ARHGEF12: variants seen among roughly 807,000 people sequenced by gnomAD.
ARHGEF12 encodes the protein Rho guanine nucleotide exchange factor 12.
ARHGEF12 carries 66 observed loss-of-function variants against 211.2 expected under a neutral mutation model. The ratio of observed to expected loss-of-function variants is 0.31; its 90% CI spans 0.26 to 0.38. The LOEUF (loss-of-function observed/expected upper bound fraction) is 0.38, where lower values mean the gene tolerates loss of function less well. Among genes scored for constraint, ARHGEF12 ranks in the 10% least tolerant of loss-of-function variants. ARHGEF12 has a pLI of 1.00. For synonymous variants in ARHGEF12, 592 were observed against 638.4 expected, an observed-to-expected ratio of 0.93 and a Z score of 1.09; for missense variants, 1,429 against 1,869.5, an observed-to-expected ratio of 0.76 and a Z score of 4.34.
chr11:120,431,660 CT>C, intron 10 of ARHGEF12, 110 bp from the exon 11 acceptor site: 1 of 1,210,680 alleles, frequency 8.3e-7, no homozygotes, highest in Non-Finnish European at 1.1e-6. Flanking sequence ...GAATGTCCAA[CT>C]TTTAGTAGTC....
At chr11:120,375,886 T>A (rs1374853841) in intron 1 of ARHGEF12, among the ~76,000 whole-genome samples, 1 of 152,188 alleles carries the variant, frequency 6.6e-6, no homozygotes, top group African/African-American at 2.4e-5. Context: ...ACAGTTCAAA[T>A]GAGTACTGGT....
At chr11:120,357,931 A>G (rs1354332550) in intron 1 of ARHGEF12, among the ~76,000 whole-genome samples, 5 of 152,226 alleles carry the variant, frequency 3.3e-5, no homozygotes, top group Admixed American at 3.3e-4. Flanking sequence ...AACTGCATAT[A>G]GTTCAGCATG....
Position 120,441,698 on chromosome 11 carries a change from T to G in ARHGEF12, c.1093-9T>G. The G allele has an allele frequency of 6.2e-7, 1 of 1,608,410 alleles. No homozygotes were observed. Among genetic ancestry groups the G allele is most frequent in the Non-Finnish European group, 8.5e-7 (1 of 1,175,612 alleles). On this transcript the variant is annotated splice_polypyrimidine_tract_variant and intron_variant, in intron 13 of 40. Transcript: ENST00000397843. ...GGAGTTACTGATGCATAATCATTTC[T>G]TCCTCTAGATCAATGGACAGTGCAG...
chr11:120,357,855 C>A (rs1357304417), intron 1 of ARHGEF12, among the ~76,000 whole-genome samples: 1 of 152,174 alleles, frequency 6.6e-6, no homozygotes. Context: ...CAGGCGTAAG[C>A]CACCGTGCCA....
chr11:120,445,536 T>G (rs188429438), intron 16 of ARHGEF12, 72 bp downstream of exon 16: 1 of 1,445,144 alleles, frequency 6.9e-7, no homozygotes, highest in Non-Finnish European at 9.7e-7. Context: ...TCTGTTCAGG[T>G]TTTATCTGTC....
intron 1 of ARHGEF12, among the ~76,000 whole-genome samples, chr11:120,345,429 C>G (rs919377996): frequency 6.6e-6 from 1 of 152,132 alleles, no homozygotes; most frequent in Non-Finnish European, 1.5e-5. Flanking sequence ...ACAGGCCGGG[C>G]GTAGTGGCTC....
chr11:120,482,474 C>T (rs569574530), intron 39 of ARHGEF12, among the ~76,000 whole-genome samples: 6 of 152,218 alleles, frequency 3.9e-5, no homozygotes, highest in South Asian at 2.1e-4. Context: ...AGGCAGGGCA[C>T]GGTGGCTCAC....
intron 33 of ARHGEF12, 117 bp downstream of exon 33, chr11:120,475,624 A>C: frequency 9.4e-7 from 1 of 1,068,878 alleles, no homozygotes. Flanking sequence ...TATATTCTTA[A>C]GCAAATTACA....
In ARHGEF12 at chr11:120,428,191, C is replaced by T. The variant is rs1205771683; in HGVS notation, c.529C>T (p.His177Tyr). 6.2e-7 allele frequency: 1 copy of T among 1,611,862 alleles called. No individual in the cohort carries two copies. The highest frequency in any genetic ancestry group is 8.5e-7 in the Non-Finnish European group (1 of 1,179,102). The change falls in exon 8 of 41, where the codon CAT becomes TAT. Residue 177 changes from histidine to tyrosine, a missense_variant. By Grantham distance (83) the His-to-Tyr change is moderately conservative (BLOSUM62 2). This residue lies in a region of ARHGEF12 where 254 missense variants were observed against 286.4 expected (regional missense o/e 0.89). Coordinates refer to ENST00000397843, the MANE Select transcript of ARHGEF12 (RefSeq NM_015313.3). ...GHMSPIMTSP[H>Y]SPGASGNMER... ...TATGTCTCCCATCATGACATCTCCT[C>T]ATTCACCTGGAGCATCTGGGAATAT...
chr11:120,484,365 CTGTTTTCTGAAGTTTTTGTTT>C (rs1392920338), intron 39 of ARHGEF12, 52 bp from the exon 40 acceptor site: 22 of 1,383,648 alleles, frequency 1.6e-5, no homozygotes, highest in Non-Finnish European at 2.0e-5. Context: ...GGCTTCTTTT[CTGTTTTCTGAAGTTTTTGTTT>C]TGTTTTGTTT....
intron 26 of ARHGEF12, 88 bp from the exon 27 acceptor site, chr11:120,460,584 A>T (rs1591622055): frequency 3.1e-6 from 1 of 323,106 alleles, no homozygotes; most frequent in Non-Finnish European, 4.9e-6. Context: ...TCGTCTTTAT[A>T]AAAAAAAAAA....
chr11:120,445,637 G>T (rs1427532835), intron 16 of ARHGEF12, among the ~76,000 whole-genome samples, 173 bp downstream of exon 16: 1 of 152,170 alleles, frequency 6.6e-6, no homozygotes, highest in Non-Finnish European at 1.5e-5. Flanking sequence ...AGTGGCTCAC[G>T]CCTGTAATCC....
chr11:120,427,888 T>C (rs1945394982), intron 7 of ARHGEF12, among the ~76,000 whole-genome samples, 181 bp from the exon 8 acceptor site: 1 of 152,094 alleles, frequency 6.6e-6, no homozygotes, highest in African/African-American at 2.4e-5. Context: ...AGGGCAGTCA[T>C]AAAAGAGAAA....
chr11:120,433,428 CTCT>C (rs1356588586), intron 11 of ARHGEF12, among the ~76,000 whole-genome samples: 2 of 152,106 alleles, frequency 1.3e-5, no homozygotes, highest in Non-Finnish European at 2.9e-5. Flanking sequence ...GCTTTTCGTA[CTCT>C]TCTTTTTGTT....
At chr11:120,382,264 T>G (rs977551082) in intron 1 of ARHGEF12, among the ~76,000 whole-genome samples, 1 of 152,248 alleles carries the variant, frequency 6.6e-6, no homozygotes, top group Admixed American at 6.5e-5. Flanking sequence ...TTTTGTTCTT[T>G]ATAGAAATGG....
rs549196141 is a variant in ARHGEF12 at position 120,457,936 on chromosome 11, C to T, written c.2226-144C>T. ...GCTGTATTTTGAAGTATGTATAAAACAGCCATTTGTAGGAGAGGATGAAAT... is the reference window on the plus strand; with the variant it reads ...GCTGTATTTTGAAGTATGTATAAAATAGCCATTTGTAGGAGAGGATGAAAT... On this transcript the variant is annotated intron_variant, in intron 24 of 40. Coordinates refer to ENST00000397843, the MANE Select transcript of ARHGEF12 (RefSeq NM_015313.3). 3.1e-5 allele frequency: 36 copies of T among 1,173,332 alleles called. No homozygotes were observed. In the South Asian group the frequency reaches 4.8e-4, roughly 16 times the overall value. 72.7% of individuals were successfully genotyped at this position (1,173,332 alleles called of 1,614,324 possible).
At position 120,485,363 on chromosome 11, in the gene ARHGEF12, G is replaced by A; in HGVS notation, c.*286G>A. ...TAAAAACCAAATGTATAGAGCTTTG[G>A]GTGTAGGATATGAAATTGTACTTAG... On this transcript the variant is annotated 3_prime_UTR_variant, in exon 41 of 41. Coordinates refer to ENST00000397843, the MANE Select transcript of ARHGEF12 (RefSeq NM_015313.3). 2.9e-6 allele frequency: 1 copy of A among 339,064 alleles called. No homozygotes were observed. The highest frequency in any genetic ancestry group is 1.1e-4 in the South Asian group (1 of 8,880). 21.0% of individuals were successfully genotyped at this position (339,064 alleles called of 1,614,324 possible). A position where few individuals can be genotyped will look rare whatever the true frequency, so the allele number is the denominator to read the frequency against.
At chr11:120,368,482 A>T (rs1483566744) in intron 1 of ARHGEF12, among the ~76,000 whole-genome samples, 1 of 152,100 alleles carries the variant, frequency 6.6e-6, no homozygotes, top group Admixed American at 6.5e-5. Context: ...GCATTTGTTT[A>T]TTACCTGGTA....
rs1945161777 is a variant in ARHGEF12, at chr11:120,420,793, T to C, written c.240T>C (p.Asn80=). The C allele has an allele frequency of 6.2e-7, 1 of 1,614,138 alleles. No homozygotes were observed. The highest frequency in any genetic ancestry group is 8.5e-7 in the Non-Finnish European group (1 of 1,179,992). Residue 80 remains asparagine, a synonymous_variant, in exon 5 of 41, where the codon AAT becomes AAC. Coordinates refer to ENST00000397843, the MANE Select transcript of ARHGEF12 (RefSeq NM_015313.3). The part of the protein sequence containing the change: ...QRCVIIQKDD[N]GFGLTVSGDN... ...GCGTAATCATCCAGAAAGATGACAA[T>C]GGATTTGGGCTGACGGTCAGTGGAG...
Sources: allele counts gnomAD v4.1 joint callset (sites outside exome capture counted in the v4.1 genomes callset), GRCh38; gene constraint gnomAD v4.1.1; regional missense constraint gnomAD v4.1.1; transcripts MANE v1.5; gene names NCBI Gene and HGNC (gene_info 2026-07-23, HGNC 2026-07-21).